The following CRADD variants were observed in gnomAD, a reference collection of about 807,000 sequenced individuals.
The protein encoded by CRADD is death domain-containing protein CRADD.
Under a neutral mutation model 15.5 loss-of-function variants are expected in CRADD, and 9 were observed. The observed-to-expected ratio is 0.58, with a 90% CI of 0.35 to 1.01. The LOEUF (loss-of-function observed/expected upper bound fraction) is 1.01. Ranked by LOEUF, CRADD falls within the 50% of genes least tolerant of loss-of-function variation. The pLI is 0.02. For synonymous variants in CRADD, 118 were observed against 107.6 expected (o/e 1.10, Z -0.60); for missense variants, 227 against 250.3 (o/e 0.91, Z 0.63).
chr12:93,791,947 A>T (rs1327647227), intron 2 of CRADD, among the ~76,000 whole-genome samples: 4 of 139,198 alleles, frequency 2.9e-5, no homozygotes, highest in African/African-American at 8.2e-5. Flanking sequence ...ACAAGGCTGT[A>T]TGGTGGCCCA....
At chr12:93,790,297 C>T (rs1210402258) in intron 2 of CRADD, among the ~76,000 whole-genome samples, 1 of 151,866 alleles carries the variant, frequency 6.6e-6, no homozygotes, top group East Asian at 1.9e-4. Flanking sequence ...CAGAGATAAA[C>T]TTGAAACTCA....
intron 2 of CRADD, among the ~76,000 whole-genome samples, chr12:93,681,345 G>T (rs995706277): frequency 6.6e-6 from 1 of 152,190 alleles, no homozygotes; most frequent in African/African-American, 2.4e-5. Flanking sequence ...GCATATCTGT[G>T]TAGAAGTTTA....
At chr12:93,859,686 G>A (rs893403679) in intron 2 of CRADD, among the ~76,000 whole-genome samples, 1 of 151,870 alleles carries the variant, frequency 6.6e-6, no homozygotes, top group Non-Finnish European at 1.5e-5. Flanking sequence ...GGGGATGGCT[G>A]TTTCTTTTGA....
intron 2 of CRADD, among the ~76,000 whole-genome samples, chr12:93,826,968 A>AGTATTCTGGGAGAGTCTAGG (rs1473432026): frequency 1.3e-5 from 2 of 152,208 alleles, no homozygotes; most frequent in African/African-American, 4.8e-5. Flanking sequence ...GCCATCCTGC[A>AGTATTCTGGGAGAGTCTAGG]GTATTCTGGG....
intron 2 of CRADD, among the ~76,000 whole-genome samples, chr12:93,799,381 A>T (rs371387004): frequency 2.6e-5 from 4 of 152,174 alleles, no homozygotes; most frequent in African/African-American, 7.2e-5. Flanking sequence ...ACACACACAC[A>T]TGTAAATAGA....
intron 2 of CRADD, among the ~76,000 whole-genome samples, chr12:93,712,104 A>G (rs545536398): frequency 3.3e-5 from 5 of 152,050 alleles, no homozygotes; most frequent in African/African-American, 9.6e-5. Flanking sequence ...CACAGTTCCT[A>G]TGTTCTGTTT....
At chr12:93,864,000 TAC>T (rs1215374541) in intron 2 of CRADD, among the ~76,000 whole-genome samples, 2 of 152,190 alleles carry the variant, frequency 1.3e-5, no homozygotes, top group Non-Finnish European at 2.9e-5. Flanking sequence ...TAATTAATGA[TAC>T]ACACATGAAG....
intron 2 of CRADD, among the ~76,000 whole-genome samples, chr12:93,840,723 C>T (rs532057390): frequency 9.9e-5 from 15 of 152,218 alleles, no homozygotes; most frequent in African/African-American, 2.6e-4. Context: ...TGTGCCACCA[C>T]GCCTGGCTAA....
intron 2 of CRADD, among the ~76,000 whole-genome samples, chr12:93,680,420 T>C (rs1045528588): frequency 3.3e-5 from 5 of 152,228 alleles, no homozygotes; most frequent in African/African-American, 9.6e-5. Flanking sequence ...GACATATGTC[T>C]GAATACCTGA....
intron 2 of CRADD, among the ~76,000 whole-genome samples, chr12:93,877,715 G>A (rs552730669): frequency 6.6e-6 from 1 of 152,250 alleles, no homozygotes; most frequent in South Asian, 2.1e-4. Flanking sequence ...TATGGTGAAT[G>A]CTGCCTGGCC....
At chr12:93,799,253 C>T (rs1396453602) in intron 2 of CRADD, among the ~76,000 whole-genome samples, 1 of 152,150 alleles carries the variant, frequency 6.6e-6, no homozygotes. Flanking sequence ...CCAATGGAGT[C>T]CTGCCTCTTG....
At chr12:93,835,230 G>A (rs183438416) in intron 2 of CRADD, among the ~76,000 whole-genome samples, 16 of 152,156 alleles carry the variant, frequency 1.1e-4, no homozygotes, top group Admixed American at 3.3e-4. Context: ...ATCCCTAGGA[G>A]TAATATTTAT....
intron 2 of CRADD, among the ~76,000 whole-genome samples, chr12:93,679,712 C>T (rs1024065558): frequency 6.6e-6 from 1 of 152,132 alleles, no homozygotes; most frequent in Non-Finnish European, 1.5e-5. Flanking sequence ...ATATCTCAGC[C>T]GTTGGCATCA....
At chr12:93,767,012 C>T (rs1476781979) in intron 2 of CRADD, among the ~76,000 whole-genome samples, 2 of 152,302 alleles carry the variant, frequency 1.3e-5, no homozygotes, top group East Asian at 3.9e-4. Flanking sequence ...GGACACATTT[C>T]CAGGATGTTC....
At chr12:93,807,981 C>CAAAAAAAAAA (rs368104878) in intron 2 of CRADD, among the ~76,000 whole-genome samples, 1 of 67,738 alleles carries the variant, frequency 1.5e-5, no homozygotes, top group Non-Finnish European at 2.7e-5. Context: ...AAGTGTTATG[C>CAAAAAAAAAA]AAAAAAAAAA....
chr12:93,685,288 G>T (rs1414389206), intron 2 of CRADD, among the ~76,000 whole-genome samples: 1 of 152,154 alleles, frequency 6.6e-6, no homozygotes, highest in African/African-American at 2.4e-5. Context: ...AAGGGTATGA[G>T]GGAGGCAGGG....
At chr12:93,836,303 A>C (rs945641344) in intron 2 of CRADD, 2 of 152,154 alleles carry the variant, frequency 1.3e-5, no homozygotes, top group Non-Finnish European at 2.9e-5. Context: ...GGAAGGTAGG[A>C]ATTGGAAAGT....
At chr12:93,761,077 T>G (rs1189758854) in intron 2 of CRADD, among the ~76,000 whole-genome samples, 5 of 151,834 alleles carry the variant, frequency 3.3e-5, no homozygotes. Context: ...GGCAGTGTCT[T>G]CAACTCTGGC....
At chr12:93,677,517 G>C (rs1390290332) in intron 1 of CRADD, 45 bp downstream of exon 1, 1 of 152,270 alleles carries the variant, frequency 6.6e-6, no homozygotes, top group Non-Finnish European at 1.5e-5. Context: ...CTGCATTGTA[G>C]CGTCTGCGAC....
Sources: gnomAD v4.1 joint callset for allele counts (sites outside exome capture counted in the v4.1 genomes callset) on GRCh38, gnomAD v4.1.1 for gene constraint, MANE v1.5 for transcripts, NCBI Gene and HGNC (gene_info 2026-07-23, HGNC 2026-07-21) for gene names.